NCAPH: variants seen among roughly 807,000 people sequenced by gnomAD.
NCAPH encodes the protein condensin complex subunit 2.
NCAPH carries 38 observed loss-of-function variants against 85.5 expected under a neutral mutation model. That is an observed-to-expected ratio of 0.44 (90% confidence interval 0.34 to 0.58). The LOEUF is 0.58. Ranked by LOEUF, NCAPH falls within the 20% of genes least tolerant of loss-of-function variation. NCAPH has a pLI of 0.01. For missense variants in NCAPH, 789 were observed against 916.6 expected, an observed-to-expected ratio of 0.86 and a Z score of 1.80; for synonymous variants, 301 against 335.1, an observed-to-expected ratio of 0.90 and a Z score of 1.11.
At chr2:96,365,103 A>G (rs2064676717) in intron 13 of NCAPH, among the ~76,000 whole-genome samples, 1 of 152,102 alleles carries the variant, frequency 6.6e-6, no homozygotes, top group African/African-American at 2.4e-5. Context: ...CCATCTTTAG[A>G]TCACGGTTTA....
rs2104520779 is a variant in NCAPH, at chr2:96,375,389, A to G, written c.*2038A>G. 6.6e-6 allele frequency among the ~76,000 whole-genome samples: 1 copy of G among 152,052 alleles called. No homozygotes were observed. The highest frequency in any genetic ancestry group is 1.9e-4 in the East Asian group (1 of 5,178). ...GGTATTAAGAGATAGGGCCTTTGGG[A>G]GGTGATTAGGTTATGAGGGCAGATC... On this transcript the variant is annotated 3_prime_UTR_variant, in exon 18 of 18. Transcript: ENST00000240423.
chr2:96,342,964 T>TG, intron 4 of NCAPH, 116 bp downstream of exon 4: 1 of 1,158,064 alleles, frequency 8.6e-7, no homozygotes. Context: ...TTAGATGTTA[T>TG]GTTAGTTAAT....
Position 96,342,864 on chromosome 2 carries a change from A to G in NCAPH, c.456+16A>G. On this transcript the variant is annotated intron_variant, in intron 4 of 17. Coordinates refer to ENST00000240423, the MANE Select transcript of NCAPH (RefSeq NM_015341.5). ...CAACTTTAAAGTAAGAAGGATGTCC[A>G]CTTTCTCTTGCATCTGAATTAAATG... 2 of 1,583,858 alleles carry G rather than the reference A, an allele frequency of 1.3e-6. No homozygotes were observed. Among genetic ancestry groups the G allele is most frequent in the East Asian group, 4.5e-5 (2 of 44,692 alleles).
intron 9 of NCAPH, among the ~76,000 whole-genome samples, chr2:96,355,321 GTTAAC>G (rs1310302421): frequency 6.6e-6 from 1 of 152,126 alleles, no homozygotes; most frequent in East Asian, 1.9e-4. Context: ...CAGTCCCTCT[GTTAAC>G]TCCTATGTCT....
chr2:96,341,749 CCT>C lies in NCAPH; in HGVS notation c.131_132del (p.Leu44GlnfsTer15). 1 of 1,614,198 alleles carries C rather than the reference CCT, an allele frequency of 6.2e-7. No homozygotes were observed. The highest frequency in any genetic ancestry group is 8.5e-7 in the Non-Finnish European group (1 of 1,180,048). Reference sequence around the variant, plus strand: ...CCCGATGCCCCTGCCCAGGAAGGCGCCTCTCAATATTCCTGGCACCCCAGTCC... The same window carrying C: ...CCCGATGCCCCTGCCCAGGAAGGCGCCTCAATATTCCTGGCACCCCAGTCC... ...VFPMPLPRKA[P>X]LNIPGTPVLE... is the part of the protein sequence containing the mutation. On this transcript the variant is annotated frameshift_variant, in exon 2 of 18. Coordinates refer to ENST00000240423, the MANE Select transcript of NCAPH (RefSeq NM_015341.5). LOFTEE classifies it high-confidence loss of function.
chr2:96,344,276 TA>T, intron 6 of NCAPH, 47 bp downstream of exon 6: 1 of 1,552,998 alleles, frequency 6.4e-7, no homozygotes, highest in Non-Finnish European at 8.7e-7. Context: ...TTCAGAACCT[TA>T]GGGGCTGAGA....
intron 6 of NCAPH, among the ~76,000 whole-genome samples, chr2:96,348,804 G>A (rs550586652): frequency 1.8e-4 from 28 of 151,954 alleles, no homozygotes; most frequent in African/African-American, 6.5e-4. Context: ...GCACCACCAC[G>A]CCCAGCTAAA....
chr2:96,373,992 G>C lies in NCAPH; in HGVS notation c.*641G>C, dbSNP rs2064805756. 1.3e-5 allele frequency: 2 copies of C among 152,338 alleles called. No homozygotes were observed. The highest frequency in any genetic ancestry group is 4.8e-5 in the African/African-American group (2 of 41,464). 9.4% of individuals were successfully genotyped at this position (152,338 alleles called of 1,614,324 possible). On this transcript the variant is annotated 3_prime_UTR_variant, in exon 18 of 18. Transcript: ENST00000240423. ...GTTTGCCTCGGAGGAGAATGGAAGA[G>C]AGAGATTGCTGACTGGACATTCAGA... is the stretch of plus-strand genomic sequence containing the variant.
intron 6 of NCAPH, among the ~76,000 whole-genome samples, chr2:96,347,005 T>G (rs931759011): frequency 1.3e-5 from 2 of 152,086 alleles, no homozygotes; most frequent in Non-Finnish European, 2.9e-5. Context: ...AAACTAATAC[T>G]AAGATCTTCT....
chr2:96,340,165 T>C (rs1023033558), intron 1 of NCAPH, among the ~76,000 whole-genome samples: 2 of 151,932 alleles, frequency 1.3e-5, no homozygotes, highest in African/African-American at 2.4e-5. Flanking sequence ...TCATGTGATC[T>C]GCCTGCCTCA....
intron 13 of NCAPH, 51 bp from the exon 14 acceptor site, chr2:96,365,825 C>G: frequency 6.3e-7 from 1 of 1,583,434 alleles, no homozygotes; most frequent in Non-Finnish European, 8.7e-7. Context: ...AAGGGTGTTT[C>G]TGAGCTCCTC....
rs188309081 is a variant in NCAPH, at chr2:96,344,394, A to G, written c.720+165A>G. ...TTATCATCTTTTAGCTTGACAGTAA[A>G]GACTAAAAGTAAGTCCCTCAGTGTT... On this transcript the variant is annotated intron_variant, in intron 6 of 17. Transcript: ENST00000240423. Among the ~76,000 whole-genome samples, 356 of 152,370 alleles carry G rather than the reference A, an allele frequency of 2.3e-3. 3 individuals are homozygous for G. Among genetic ancestry groups the G allele is most frequent in the African/African-American group, 7.8e-3 (326 of 41,588 alleles).
intron 10 of NCAPH, among the ~76,000 whole-genome samples, chr2:96,359,936 T>C (rs1462626327): frequency 6.6e-6 from 1 of 152,260 alleles, no homozygotes; most frequent in African/African-American, 2.4e-5. Context: ...CATATGTTTC[T>C]GATGTGTTTT....
rs1023749970 is a variant in NCAPH at position 96,343,165 on chromosome 2, G to A, written c.457-1G>A. ...GAGTGCAGCTCTGATTGTTTGACTA[G>A]GTGGCTGCGGGTACTCTGGATGCCA... On this transcript the variant is annotated splice_acceptor_variant, in intron 4 of 17. Coordinates refer to ENST00000240423, the MANE Select transcript of NCAPH (RefSeq NM_015341.5). LOFTEE classifies it high-confidence loss of function. 2.5e-6 allele frequency: 4 copies of A among 1,614,026 alleles called. No individual in the cohort carries two copies. The highest frequency in any genetic ancestry group is 3.4e-6 in the Non-Finnish European group (4 of 1,179,990).
chr2:96,367,425 G>A (rs199566080), intron 15 of NCAPH, 52 bp downstream of exon 15: 57 of 1,364,374 alleles, frequency 4.2e-5, no homozygotes, highest in East Asian at 1.9e-4. Context: ...GAGGGGAGTG[G>A]TTGATGTCTA....
At chr2:96,335,951 GC>G in intron 1 of NCAPH, 103 bp downstream of exon 1, 1 of 1,271,792 alleles carries the variant, frequency 7.9e-7, no homozygotes, top group Non-Finnish European at 1.0e-6. Flanking sequence ...GAGAGGATAT[GC>G]TCAGCTCGGG....
At chr2:96,373,178 A>C in intron 17 of NCAPH, 114 bp from the exon 18 acceptor site, 1 of 817,734 alleles carries the variant, frequency 1.2e-6, no homozygotes, top group Non-Finnish European at 2.0e-6. Context: ...TTTTTCTTAT[A>C]ATCATGGGAC....
At chr2:96,345,198 G>T (rs2064346852) in intron 6 of NCAPH, among the ~76,000 whole-genome samples, 1 of 152,134 alleles carries the variant, frequency 6.6e-6, no homozygotes, top group African/African-American at 2.4e-5. Flanking sequence ...ATATTTCAGG[G>T]AGTGGGGAAT....
At chr2:96,360,557 C>G in intron 11 of NCAPH, 31 bp from the exon 12 acceptor site, 1 of 1,612,010 alleles carries the variant, frequency 6.2e-7, no homozygotes, top group Non-Finnish European at 8.5e-7. Flanking sequence ...TGTTAAAATG[C>G]CTAAAACACT....
Sources: allele counts gnomAD v4.1 joint callset (sites outside exome capture counted in the v4.1 genomes callset), GRCh38; gene constraint gnomAD v4.1.1; transcripts MANE v1.5; gene names NCBI Gene and HGNC (gene_info 2026-07-23, HGNC 2026-07-21).